C7: variants seen among roughly 807,000 people sequenced by gnomAD.
The protein encoded by C7 is complement C7.
Under a neutral mutation model 104.8 loss-of-function variants are expected in C7, and 83 were observed. That is an observed-to-expected ratio of 0.79 (90% CI 0.66 to 0.95). The LOEUF (loss-of-function observed/expected upper bound fraction) is 0.95, where lower values mean the gene tolerates loss of function less well. C7 is among the 40% of genes least tolerant of loss of function. C7 has a pLI of 0.00. For synonymous variants in C7, 415 were observed against 360.6 expected (o/e 1.15, Z -1.71); for missense variants, 1,070 against 1,011.2 (o/e 1.06, Z -0.79).
rs577829532 is a variant in C7 at position 40,935,502 on chromosome 5, C to T, written c.281-836C>T. The stretch of plus-strand genomic sequence containing the variant: ...ACATGCATCAGAGCCTGTGAGGCAG[C>T]GATGGTTTTCAAGAGGAGATAATGT... On this transcript the variant is annotated intron_variant, in intron 4 of 17. Transcript: ENST00000313164. Among the ~76,000 whole-genome samples, 15 of 152,176 alleles carry T rather than the reference C, an allele frequency of 9.9e-5. No individual in the cohort carries two copies. In the South Asian group the frequency reaches 1.5e-3, roughly 15 times the overall value.
rs76081880 is a variant in C7 at position 40,950,595 on chromosome 5, C to A, written c.1093+581C>A. Among the ~76,000 whole-genome samples, 577 of 152,284 alleles carry A rather than the reference C, an allele frequency of 3.8e-3. 12 individuals are homozygous for A. The East Asian group carries it at 0.054, about 14-fold the overall frequency. On this transcript the variant is annotated intron_variant, in intron 9 of 17. Coordinates refer to ENST00000313164, the MANE Select transcript of C7 (RefSeq NM_000587.4). ...GGTTCTGCTTTGTGTTTTAAAAAAT[C>A]TATTTGGTAATTTTTGTCTCTGCTC...
chr5:40,915,549 C>A (rs1201082844), intron 1 of C7, among the ~76,000 whole-genome samples: 1 of 152,076 alleles, frequency 6.6e-6, no homozygotes, highest in Non-Finnish European at 1.5e-5. Flanking sequence ...GCTGACACAG[C>A]ACGGAGGAAA....
chr5:40,927,058 C>A (rs1739568351), intron 1 of C7, among the ~76,000 whole-genome samples: 1 of 151,534 alleles, frequency 6.6e-6, no homozygotes, highest in Admixed American at 6.6e-5. Flanking sequence ...ACCCATCAAC[C>A]AGTGGAACAG....
At chr5:40,975,974 C>T (rs761617982) in intron 15 of C7, among the ~76,000 whole-genome samples, 62 of 152,308 alleles carry the variant, frequency 4.1e-4, no homozygotes, top group Non-Finnish European at 8.1e-4. Flanking sequence ...GTTTTTAGAT[C>T]ATTCCCATTG....
chr5:40,934,346 G>A lies in C7; in HGVS notation c.160G>A (p.Val54Met). 6.2e-7 allele frequency: 1 copy of A among 1,612,574 alleles called. No homozygotes were observed. Among genetic ancestry groups the A allele is most frequent in the African/African-American group, 1.3e-5 (1 of 74,996 alleles). ...TTAGACTCGCAGGCGGTCAGTTGCT[G>A]TGTATGGGCAGTATGGAGGCCAGCC... Reference protein sequence around the residue: ...KTQTRRRSVAVYGQYGGQPCV... With the variant: ...KTQTRRRSVAMYGQYGGQPCV... The change falls in exon 4 of 18, where the codon GTG (valine) becomes ATG (methionine). Residue 54 changes from valine to methionine, a missense_variant. Physicochemically the swap from Val to Met is conservative, Grantham distance 21 (BLOSUM62 1). Coordinates refer to ENST00000313164, the MANE Select transcript of C7 (RefSeq NM_000587.4).
intron 7 of C7, among the ~76,000 whole-genome samples, chr5:40,945,872 ATAC>A (rs1215900562): frequency 1.0e-4 from 6 of 59,424 alleles, no homozygotes; most frequent in Admixed American, 2.3e-4. Context: ...TCAAAAAAAA[ATAC>A]ATATATATAT....
chr5:40,912,705 T>C (rs1739233336), intron 1 of C7, among the ~76,000 whole-genome samples: 1 of 152,228 alleles, frequency 6.6e-6, no homozygotes, highest in African/African-American at 2.4e-5. Context: ...AATAATTATT[T>C]TCATTATCCA....
chr5:40,950,151 G>A (rs1740137682), intron 9 of C7, 137 bp downstream of exon 9: 3 of 607,854 alleles, frequency 4.9e-6, no homozygotes, highest in Admixed American at 6.0e-5. Context: ...TGTCACCCAA[G>A]TATTAAGCCT....
At chr5:40,963,493 C>G (rs537807590) in intron 13 of C7, among the ~76,000 whole-genome samples, 91 of 152,254 alleles carry the variant, frequency 6.0e-4, no homozygotes, top group African/African-American at 1.9e-3. Flanking sequence ...ATCAGCCTGG[C>G]CCATTCTGTT....
At chr5:40,937,827 T>C (rs1739849464) in intron 6 of C7, 137 bp downstream of exon 6, 2 of 755,086 alleles carry the variant, frequency 2.6e-6, no homozygotes, top group East Asian at 2.8e-5. Context: ...TTATGTTGAC[T>C]TAAAAAGTAT....
intron 14 of C7, among the ~76,000 whole-genome samples, chr5:40,968,565 A>ATT (rs72086343): frequency 6.1e-5 from 4 of 65,940 alleles, no homozygotes; most frequent in Non-Finnish European, 1.1e-4. Flanking sequence ...AATTATATAT[A>ATT]TTTTATATAT....
In C7 at chr5:40,924,709, A is replaced by G. The variant is rs375552993; in HGVS notation, c.7-3871A>G. Among the ~76,000 whole-genome samples the G allele has an allele frequency of 2.6e-4, 40 of 152,296 alleles. 1 individual carries two copies. The highest frequency in any genetic ancestry group is 9.4e-4 in the African/African-American group (39 of 41,560). On this transcript the variant is annotated intron_variant, in intron 1 of 17. Transcript: ENST00000313164. ...CTTCACTCTTGCACTATGTGTGCCT[A>G]TGAGCCTAATACCACATGGAAGCTG...
intron 9 of C7, among the ~76,000 whole-genome samples, chr5:40,954,392 T>C (rs2111651838): frequency 6.6e-6 from 1 of 152,270 alleles, no homozygotes; most frequent in African/African-American, 2.4e-5. Flanking sequence ...TTTAAAGTGT[T>C]TATAATATTT....
intron 9 of C7, among the ~76,000 whole-genome samples, chr5:40,951,134 A>T (rs1012062816): frequency 6.6e-6 from 1 of 152,192 alleles, no homozygotes; most frequent in Admixed American, 6.6e-5. Context: ...GGACCAAAAA[A>T]TGTTCACTGG....
chr5:40,964,710 C>A, intron 13 of C7, 31 bp from the exon 14 acceptor site: 1 of 1,602,098 alleles, frequency 6.2e-7, no homozygotes. Flanking sequence ...TAGACAAACT[C>A]TTTCCTTTTC....
At chr5:40,943,827 A>G (rs1042273342) in intron 6 of C7, among the ~76,000 whole-genome samples, 5 of 146,396 alleles carry the variant, frequency 3.4e-5, no homozygotes, top group African/African-American at 1.0e-4. Context: ...GTTGAAATCC[A>G]TCTTCTTATC....
At chr5:40,959,698 C>A in intron 12 of C7, 78 bp downstream of exon 12, 1 of 1,128,428 alleles carries the variant, frequency 8.9e-7, no homozygotes, top group Non-Finnish European at 1.2e-6. Flanking sequence ...ATGATTGCTG[C>A]TGTCGAGAGA....
At chr5:40,962,989 TAGAG>T (rs148789513) in intron 13 of C7, among the ~76,000 whole-genome samples, 1 of 151,296 alleles carries the variant, frequency 6.6e-6, no homozygotes, top group Non-Finnish European at 1.5e-5. Flanking sequence ...TGTGTTTGTG[TAGAG>T]AGAGAGAGAG....
rs1286930688 is a variant in C7 at position 40,979,885 on chromosome 5, T to C, written c.2326T>C (p.Cys776Arg). The C allele has an allele frequency of 6.3e-7, 1 of 1,594,222 alleles. No individual in the cohort carries two copies. The highest frequency in any genetic ancestry group is 8.6e-7 in the Non-Finnish European group (1 of 1,167,818). Reference sequence around the variant, plus strand: ...CTCAGCTGAGAAAGCTTGTGGTGCCTGCCCACTGTGGGGAAAATGTGATGG... The same window carrying C: ...CTCAGCTGAGAAAGCTTGTGGTGCCCGCCCACTGTGGGGAAAATGTGATGG... ...PASAEKACGA[C>R]PLWGKCDAES... The change falls in exon 17 of 18, where the codon TGC becomes CGC. Residue 776 changes from cysteine to arginine, a missense_variant. By Grantham distance (180) the Cys-to-Arg change is radical (BLOSUM62 -3). Transcript: ENST00000313164.
Sources: allele counts gnomAD v4.1 joint callset (sites outside exome capture counted in the v4.1 genomes callset), GRCh38; gene constraint gnomAD v4.1.1; transcripts MANE v1.5; gene names NCBI Gene and HGNC (gene_info 2026-07-23, HGNC 2026-07-21).